Variants in AAGAB observed in about 807,000 individuals in gnomAD.
AAGAB encodes alpha and gamma adaptin binding protein.
Under a neutral mutation model 44.1 loss-of-function variants are expected in AAGAB, and 38 were observed. The ratio of observed to expected loss-of-function variants is 0.86; its 90% CI spans 0.67 to 1.13. The LOEUF (loss-of-function observed/expected upper bound fraction) is 1.13, where lower values mean the gene tolerates loss of function less well. AAGAB is among the 50% of genes most tolerant of loss of function. AAGAB has a pLI of 0.00. For synonymous variants in AAGAB, 131 were observed against 131.8 expected, an observed-to-expected ratio of 0.99 and a Z score of 0.04; for missense variants, 450 against 373.8, an observed-to-expected ratio of 1.20 and a Z score of -1.68.
At chr15:67,211,233 C>T (rs1176909713) in intron 5 of AAGAB, among the ~76,000 whole-genome samples, 1 of 152,212 alleles carries the variant, frequency 6.6e-6, no homozygotes, top group African/African-American at 2.4e-5. Flanking sequence ...CTACCTTGGT[C>T]TGGGCAAAAC....
At chr15:67,255,018 A>T, upstream of AAGAB, 3 of 1,441,672 alleles carry the variant, frequency 2.1e-6, no homozygotes, top group South Asian at 3.5e-5. Context: ...CCGCGCGCCG[A>T]TTCACCGACG....
intron 5 of AAGAB, among the ~76,000 whole-genome samples, chr15:67,216,442 G>GAAAAAAAAAAAAAAA (rs60381455): frequency 1.9e-5 from 1 of 52,158 alleles, no homozygotes; most frequent in Non-Finnish European, 3.2e-5. Flanking sequence ...ACTCACTCTT[G>GAAAAAAAAAAAAAAA]AAAAAAAAAA....
chr15:67,225,763 G>T (rs1034427407), intron 5 of AAGAB, among the ~76,000 whole-genome samples: 1 of 152,140 alleles, frequency 6.6e-6, no homozygotes, highest in Non-Finnish European at 1.5e-5. Flanking sequence ...CCATTGTATG[G>T]ATATACCACA....
chr15:67,251,257 T>C (rs1413537840), intron 1 of AAGAB, among the ~76,000 whole-genome samples: 2 of 151,726 alleles, frequency 1.3e-5, no homozygotes, highest in African/African-American at 2.4e-5. Context: ...TGTGTGTGTG[T>C]ATTTGAGACA....
intron 5 of AAGAB, among the ~76,000 whole-genome samples, chr15:67,223,114 G>GTTC (rs1204099277): frequency 6.6e-6 from 1 of 152,048 alleles, no homozygotes; most frequent in Non-Finnish European, 1.5e-5. Flanking sequence ...TCCTTTACTG[G>GTTC]TTCCTTCTCT....
chr15:67,203,474 G>A (rs138084549), intron 9 of AAGAB, 74 bp downstream of exon 9: 2 of 1,256,128 alleles, frequency 1.6e-6, no homozygotes, highest in African/African-American at 1.5e-5. Context: ...AAATACACAA[G>A]TGTGATATAT....
At chr15:67,253,379 G>A (rs1964941871) in intron 1 of AAGAB, among the ~76,000 whole-genome samples, 1 of 151,756 alleles carries the variant, frequency 6.6e-6, no homozygotes, top group Non-Finnish European at 1.5e-5. Flanking sequence ...AGTGAGCCGA[G>A]ATAACGCCAC....
At chr15:67,254,775 G>A (rs1965046788), upstream of AAGAB, 2 of 1,322,326 alleles carry the variant, frequency 1.5e-6, no homozygotes, top group Non-Finnish European at 2.1e-6. Context: ...ACCCCCTTCC[G>A]CTCCCAGCGT....
chr15:67,207,630 T>A (rs1416162629), intron 7 of AAGAB, among the ~76,000 whole-genome samples: 1 of 152,236 alleles, frequency 6.6e-6, no homozygotes, highest in Admixed American at 6.5e-5. Flanking sequence ...TAAGTAGAGT[T>A]CAGTATCTGT....
At chr15:67,228,485 G>A (rs1210771680) in intron 5 of AAGAB, among the ~76,000 whole-genome samples, 1 of 152,224 alleles carries the variant, frequency 6.6e-6, no homozygotes, top group Non-Finnish European at 1.5e-5. Context: ...GGATGTTGGT[G>A]AGGTTGCAGA....
upstream of AAGAB, chr15:67,254,922 A>G: frequency 1.2e-6 from 2 of 1,613,618 alleles, no homozygotes; most frequent in South Asian, 1.1e-5. Flanking sequence ...GAAAACCACG[A>G]CCCTGTCGGA....
At chr15:67,246,324 G>A (rs576478902) in intron 1 of AAGAB, among the ~76,000 whole-genome samples, 6 of 149,586 alleles carry the variant, frequency 4.0e-5, no homozygotes, top group Middle Eastern at 3.4e-3. Context: ...CCCGGGAGGC[G>A]AAGGCTGCAG....
At chr15:67,244,735 C>T (rs1964680906) in intron 1 of AAGAB, among the ~76,000 whole-genome samples, 1 of 150,064 alleles carries the variant, frequency 6.7e-6, no homozygotes, top group Non-Finnish European at 1.5e-5. Context: ...ACCCCAGAGG[C>T]GGAGGCTGCA....
chr15:67,237,475 A>G (rs1239708848), intron 1 of AAGAB, among the ~76,000 whole-genome samples: 3 of 152,234 alleles, frequency 2.0e-5, no homozygotes, highest in African/African-American at 7.2e-5. Flanking sequence ...ATTACTATAA[A>G]TGTTTTAGAT....
chr15:67,221,720 T>C (rs1007388129), intron 5 of AAGAB, among the ~76,000 whole-genome samples: 15 of 152,218 alleles, frequency 9.9e-5, no homozygotes, highest in Admixed American at 9.2e-4. Flanking sequence ...ATCACTAGAT[T>C]AAATCATTCC....
chr15:67,207,129 C>T (rs367815059), intron 7 of AAGAB, among the ~76,000 whole-genome samples: 1 of 152,172 alleles, frequency 6.6e-6, no homozygotes, highest in Admixed American at 6.5e-5. Context: ...AGCGAGATTG[C>T]GGTGAGCCGA....
chr15:67,227,979 C>A (rs1964243989), intron 5 of AAGAB, among the ~76,000 whole-genome samples: 1 of 152,092 alleles, frequency 6.6e-6, no homozygotes, highest in African/African-American at 2.4e-5. Context: ...AACCTCAGGG[C>A]AAAGAACCAT....
chr15:67,228,971 C>T lies in AAGAB; in HGVS notation c.535+2843G>A, dbSNP rs181282751. On this transcript the variant is annotated intron_variant, in intron 5 of 9. Coordinates refer to ENST00000261880, the MANE Select transcript of AAGAB (RefSeq NM_024666.5). ...AAAAGAGGCCCAACAGACACTGGGGCCTTACTTGAGGGGAGACAGTAGGAG... is the reference window on the plus strand; with the variant it reads ...AAAAGAGGCCCAACAGACACTGGGGTCTTACTTGAGGGGAGACAGTAGGAG... 4.6e-5 allele frequency among the ~76,000 whole-genome samples: 7 copies of T among 152,166 alleles called. No individual in the cohort carries two copies. The East Asian group carries it at 1.4e-3, about 29-fold the overall frequency.
At chr15:67,246,654 AC>A (rs1163867582) in intron 1 of AAGAB, among the ~76,000 whole-genome samples, 1 of 151,646 alleles carries the variant, frequency 6.6e-6, no homozygotes, top group Non-Finnish European at 1.5e-5. Context: ...GTAAAAACAC[AC>A]CAATCAGCAC....
Sources: gnomAD v4.1 joint callset for allele counts (sites outside exome capture counted in the v4.1 genomes callset) on GRCh38, gnomAD v4.1.1 for gene constraint, MANE v1.5 for transcripts, NCBI Gene and HGNC (gene_info 2026-07-23, HGNC 2026-07-21) for gene names.